Variants in NHSL1 observed in about 807,000 individuals in gnomAD.
NHSL1 encodes the protein NHS-like protein 1.
NHSL1 carries 48 observed loss-of-function variants against 95.0 expected under a neutral mutation model. That is an observed-to-expected ratio of 0.51 (90% CI 0.40 to 0.64). The LOEUF (loss-of-function observed/expected upper bound fraction) is 0.64, where lower values mean the gene tolerates loss of function less well. Ranked by LOEUF, NHSL1 falls within the 30% of genes least tolerant of loss-of-function variation. The probability of loss-of-function intolerance (pLI) is 0.00; values close to 1 mark genes in which losing one functional copy is unlikely to be tolerated. For missense variants in NHSL1, 1,971 were observed against 2,077.7 expected, an observed-to-expected ratio of 0.95 and a Z score of 1.00; for synonymous variants, 783 against 833.9, an observed-to-expected ratio of 0.94 and a Z score of 1.05.
intron 5 of NHSL1, among the ~76,000 whole-genome samples, chr6:138,439,392 T>A (rs1583169644): frequency 1.3e-5 from 2 of 152,292 alleles, no homozygotes; most frequent in East Asian, 3.9e-4. Context: ...CTATTTTTGA[T>A]CATCATTACC....
chr6:138,599,073 C>T (rs1042590171), intron 1 of NHSL1, among the ~76,000 whole-genome samples: 2 of 152,126 alleles, frequency 1.3e-5, no homozygotes, highest in Non-Finnish European at 2.9e-5. Context: ...AATTTGGATC[C>T]TATTTGTCTG....
At chr6:138,574,794 G>T (rs570890253), upstream of NHSL1, among the ~76,000 whole-genome samples, 63 of 152,218 alleles carry the variant, frequency 4.1e-4, no homozygotes, top group African/African-American at 1.4e-3. Flanking sequence ...CGAGGCTTCA[G>T]TGAGCTGTGG....
intron 1 of NHSL1, among the ~76,000 whole-genome samples, chr6:138,671,597 C>T (rs2114762499): frequency 6.6e-6 from 1 of 152,054 alleles, no homozygotes; most frequent in African/African-American, 2.4e-5. Context: ...GAGAACCAGC[C>T]ACGGAGGAAC....
intron 1 of NHSL1, among the ~76,000 whole-genome samples, chr6:138,523,231 G>A (rs2095578240): frequency 6.6e-6 from 1 of 152,152 alleles, no homozygotes; most frequent in African/African-American, 2.4e-5. Context: ...ATTAATGGTG[G>A]GGCAGGGGAA....
intron 3 of NHSL1, among the ~76,000 whole-genome samples, chr6:138,472,448 T>G (rs1390882648): frequency 6.6e-6 from 1 of 151,984 alleles, no homozygotes; most frequent in Non-Finnish European, 1.5e-5. Flanking sequence ...TATTTTATTC[T>G]CTGAAGTTAC....
intron 1 of NHSL1, among the ~76,000 whole-genome samples, chr6:138,581,950 T>A (rs138425725): frequency 0.011 from 1,602 of 148,894 alleles, 41 homozygotes; most frequent in African/African-American, 0.038. Flanking sequence ...TAGGCTGGAG[T>A]GCAGTGGCGC....
rs1267107772 is a variant in NHSL1, at chr6:138,442,012, C to T, written c.635G>A (p.Gly212Glu). ...CTCCTTCTGTATGTTGTCAGGGACTCCTGTAATAGTCTTTCTCCTTTTGAC... is the reference window on the plus strand; with the variant it reads ...CTCCTTCTGTATGTTGTCAGGGACTTCTGTAATAGTCTTTCTCCTTTTGAC... The part of the protein sequence containing the change: ...KKVKRRKTIT[G>E]VPDNIQKELA... Residue 212 changes from glycine (G) to glutamate (E), a missense_variant, in exon 5 of 8, where the codon GGA (glycine) becomes GAA (glutamate). This residue lies in a region of NHSL1 where 1,602 missense variants were observed against 1,654.5 expected (regional missense o/e 0.97). Transcript: ENST00000343505. 4.5e-6 allele frequency: 7 copies of T among 1,551,122 alleles called. No homozygotes were observed. The highest frequency in any genetic ancestry group is 6.1e-6 in the Non-Finnish European group (7 of 1,146,810).
intron 1 of NHSL1, among the ~76,000 whole-genome samples, chr6:138,633,650 T>C (rs1178527741): frequency 1.3e-5 from 2 of 152,176 alleles, no homozygotes; most frequent in Non-Finnish European, 2.9e-5. Flanking sequence ...CGGATTTCAA[T>C]ACCAGAACTA....
chr6:138,454,530 G>A (rs17726669), intron 3 of NHSL1, among the ~76,000 whole-genome samples: 31,612 of 151,964 alleles, frequency 0.21, 3,917 homozygotes, highest in Non-Finnish European at 0.3. Context: ...CTCTAGAGTC[G>A]TAAGTCTAGG....
At chr6:138,479,751 T>C (rs998399572) in intron 2 of NHSL1, among the ~76,000 whole-genome samples, 2 of 152,256 alleles carry the variant, frequency 1.3e-5, no homozygotes, top group African/African-American at 4.8e-5. Context: ...CAAGGTGCTT[T>C]GTGATGCTGA....
intron 1 of NHSL1, among the ~76,000 whole-genome samples, chr6:138,562,764 C>T (rs1014205452): frequency 8.5e-5 from 13 of 152,064 alleles, no homozygotes; most frequent in South Asian, 2.1e-4. Context: ...TGTCTTTTCT[C>T]GGTTACGACA....
chr6:138,473,513 T>C (rs1024327182), intron 2 of NHSL1, 80 bp from the exon 3 acceptor site: 1 of 1,289,928 alleles, frequency 7.8e-7, no homozygotes, highest in African/African-American at 1.5e-5. Context: ...TTTACTCCTC[T>C]TTTTTACTTT....
intron 1 of NHSL1, among the ~76,000 whole-genome samples, chr6:138,591,961 G>A (rs1784236028): frequency 6.6e-6 from 1 of 152,176 alleles, no homozygotes; most frequent in Non-Finnish European, 1.5e-5. Flanking sequence ...TCCACCGAGG[G>A]TTTTGGAACC....
chr6:138,672,356 G>A (rs1247926660), intron 1 of NHSL1, among the ~76,000 whole-genome samples: 5 of 152,072 alleles, frequency 3.3e-5, no homozygotes, highest in East Asian at 1.9e-4. Flanking sequence ...GAATTTCATC[G>A]CTACCTCCTC....
rs1248361914 is a variant in NHSL1 at position 138,423,278 on chromosome 6, G to C, written c.*803C>G. 6.6e-6 allele frequency: 1 copy of C among 151,994 alleles called. No homozygotes were observed. The highest frequency in any genetic ancestry group is 1.5e-5 in the Non-Finnish European group (1 of 68,030). The allele number at this position is 151,994 out of a possible 1,614,324, so 9.4% of individuals were successfully genotyped here. ...TCTCTATGTCCACACCATCACTTCAGTTGTCAATGACCTCAGCTGCTACTC... is the reference window on the plus strand; with the variant it reads ...TCTCTATGTCCACACCATCACTTCACTTGTCAATGACCTCAGCTGCTACTC... On this transcript the variant is annotated 3_prime_UTR_variant, in exon 8 of 8. Coordinates refer to ENST00000343505, the MANE Select transcript of NHSL1 (RefSeq NM_001144060.2).
chr6:138,489,085 C>T (rs1303030834), intron 2 of NHSL1, among the ~76,000 whole-genome samples: 1 of 152,144 alleles, frequency 6.6e-6, no homozygotes, highest in Non-Finnish European at 1.5e-5. Context: ...TGTTCTGTTC[C>T]TTTATCCCTC....
chr6:138,545,943 C>T (rs2128328019), upstream of NHSL1: 2 of 517,934 alleles, frequency 3.9e-6, no homozygotes, highest in South Asian at 8.3e-5. Flanking sequence ...AGCCCAAGGG[C>T]GAGCCCATTT....
At chr6:138,548,895 A>T (rs1782901633), upstream of NHSL1, among the ~76,000 whole-genome samples, 1 of 150,616 alleles carries the variant, frequency 6.6e-6, no homozygotes, top group Non-Finnish European at 1.5e-5. Context: ...CCATCTCATT[A>T]AGCTACTCTC....
chr6:138,593,736 CG>C (rs1784263987), intron 1 of NHSL1, among the ~76,000 whole-genome samples: 1 of 152,114 alleles, frequency 6.6e-6, no homozygotes, highest in Non-Finnish European at 1.5e-5. Flanking sequence ...TTCTTCCTTT[CG>C]GGTCAAAGAT....
Sources: allele counts gnomAD v4.1 joint callset (sites outside exome capture counted in the v4.1 genomes callset), GRCh38; gene constraint gnomAD v4.1.1; regional missense constraint gnomAD v4.1.1; transcripts MANE v1.5; gene names NCBI Gene and HGNC (gene_info 2026-07-23, HGNC 2026-07-21).